Variants in PHACTR1 observed in about 807,000 individuals in gnomAD.
The protein encoded by PHACTR1 is RPEL repeat containing 1.
In PHACTR1, 16 loss-of-function variants were observed where a neutral mutation model predicts 69.2. The ratio of observed to expected loss-of-function variants is 0.23; its 90% CI spans 0.16 to 0.35. The LOEUF is 0.35. PHACTR1 is among the 10% of genes least tolerant of loss of function. The pLI, the probability that PHACTR1 is intolerant of heterozygous loss-of-function variation, is 1.00. For synonymous variants in PHACTR1, 312 were observed against 284.5 expected, an observed-to-expected ratio of 1.10 and a Z score of -0.97; for missense variants, 510 against 734.7, an observed-to-expected ratio of 0.69 and a Z score of 3.54.
At chr6:12,972,861 G>A (rs1395656324) in intron 4 of PHACTR1, among the ~76,000 whole-genome samples, 1 of 152,094 alleles carries the variant, frequency 6.6e-6, no homozygotes, top group East Asian at 1.9e-4. Context: ...GTATTGATCA[G>A]GCTGGTCTCG....
At chr6:12,873,126 C>T (rs892065276) in intron 4 of PHACTR1, among the ~76,000 whole-genome samples, 5 of 151,780 alleles carry the variant, frequency 3.3e-5, no homozygotes, top group African/African-American at 7.3e-5. Flanking sequence ...ATCCTCTCAC[C>T]TCAGCATCCT....
chr6:12,926,983 T>C (rs895660558), intron 4 of PHACTR1, among the ~76,000 whole-genome samples: 1 of 152,234 alleles, frequency 6.6e-6, no homozygotes, highest in Admixed American at 6.5e-5. Context: ...TTAAATCTAG[T>C]CAATTGCTTA....
chr6:12,944,488 T>A (rs1364418883), intron 4 of PHACTR1, among the ~76,000 whole-genome samples: 1 of 152,204 alleles, frequency 6.6e-6, no homozygotes, highest in Non-Finnish European at 1.5e-5. Flanking sequence ...TAATACAACA[T>A]CTATAAGTGC....
At chr6:13,140,445 C>T (rs563658919) in intron 5 of PHACTR1, among the ~76,000 whole-genome samples, 26 of 152,122 alleles carry the variant, frequency 1.7e-4, no homozygotes, top group African/African-American at 5.3e-4. Context: ...TGGAGTATTA[C>T]TCATCATTAA....
At chr6:13,263,741 G>C (rs1776241067) in intron 10 of PHACTR1, among the ~76,000 whole-genome samples, 1 of 152,176 alleles carries the variant, frequency 6.6e-6, no homozygotes, top group Non-Finnish European at 1.5e-5. Context: ...GATACAACTA[G>C]TTAAATCTAC....
At chr6:12,924,014 A>C (rs1157854497) in intron 4 of PHACTR1, among the ~76,000 whole-genome samples, 5 of 152,240 alleles carry the variant, frequency 3.3e-5, no homozygotes, top group Admixed American at 3.3e-4. Context: ...ACTGAATATC[A>C]AACACTTTAA....
intron 5 of PHACTR1, among the ~76,000 whole-genome samples, chr6:13,151,705 C>G (rs1215387064): frequency 2.0e-5 from 3 of 152,120 alleles, no homozygotes; most frequent in Non-Finnish European, 4.4e-5. Flanking sequence ...TGTAGAACAA[C>G]ATGCATAGAA....
chr6:13,097,399 G>T (rs978298431), intron 5 of PHACTR1, among the ~76,000 whole-genome samples: 7 of 152,200 alleles, frequency 4.6e-5, no homozygotes, highest in Admixed American at 4.6e-4. Context: ...ATAAAGGAAT[G>T]CTTGTATTCT....
At chr6:13,043,098 T>C (rs1804440030) in intron 4 of PHACTR1, among the ~76,000 whole-genome samples, 1 of 152,234 alleles carries the variant, frequency 6.6e-6, no homozygotes, top group East Asian at 1.9e-4. Flanking sequence ...TTTGTCTCTG[T>C]TGTGGCTCAA....
rs61075165 is a variant in PHACTR1 at position 12,930,045 on chromosome 6, CT to C, written c.251-123305del. On this transcript the variant is annotated intron_variant, in intron 4 of 14. Transcript: ENST00000332995. The stretch of plus-strand genomic sequence containing the variant: ...CAACACTGCCTGTAAACAGAAAGAA[CT>C]TTTTTTTTTTTTTTAGATGGGGATC... Among the ~76,000 whole-genome samples, 2,541 of 141,424 alleles carry C rather than the reference CT, an allele frequency of 0.018. 90 individuals carry two copies. In the East Asian group the frequency reaches 0.19, roughly 10 times the overall value. The allele number at this position is 141,424 out of a possible 152,430, so 92.8% of individuals were successfully genotyped here.
intron 4 of PHACTR1, among the ~76,000 whole-genome samples, chr6:13,031,075 C>G (rs1044629438): frequency 6.6e-6 from 1 of 152,188 alleles, no homozygotes; most frequent in African/African-American, 2.4e-5. Context: ...GGCAAGATTA[C>G]CCCTGGTCCA....
At chr6:12,730,477 TA>T (rs541780959) in intron 3 of PHACTR1, among the ~76,000 whole-genome samples, 13,023 of 142,098 alleles carry the variant, frequency 0.092, 1,769 homozygotes, top group African/African-American at 0.3. Context: ...ACACGTGATT[TA>T]AAAAAAAAAA....
intron 4 of PHACTR1, among the ~76,000 whole-genome samples, chr6:12,771,733 A>G (rs999543218): frequency 5.9e-5 from 9 of 152,172 alleles, no homozygotes; most frequent in African/African-American, 1.4e-4. Flanking sequence ...AGGAAGCTCT[A>G]TGCTAGGGAA....
At chr6:12,849,577 G>T (rs575888026) in intron 4 of PHACTR1, among the ~76,000 whole-genome samples, 8 of 152,290 alleles carry the variant, frequency 5.3e-5, no homozygotes, top group African/African-American at 1.9e-4. Context: ...GTCCATATGG[G>T]CGGGAAGTGC....
chr6:13,108,889 C>T (rs533724984), intron 5 of PHACTR1, among the ~76,000 whole-genome samples: 1 of 152,020 alleles, frequency 6.6e-6, no homozygotes, highest in East Asian at 1.9e-4. Context: ...CTTTTCACCC[C>T]TTTTGCCATC....
Position 13,228,032 on chromosome 6 carries a change from G to GGAC in PHACTR1, c.1206_1208dup (p.Asp402dup). ...CAAGAGAAGAGGAGGAAGAGGAGGA[G>GGAC]GACGAAGACGACGACAGCTCATTAT... On this transcript the variant is annotated inframe_insertion, in exon 9 of 15. Transcript: ENST00000332995. The GGAC allele has an allele frequency of 6.2e-7, 1 of 1,613,706 alleles. No homozygotes were observed. The highest frequency in any genetic ancestry group is 1.7e-5 in the Admixed American group (1 of 60,030).
At chr6:12,889,797 CTT>C (rs4053036) in intron 4 of PHACTR1, among the ~76,000 whole-genome samples, 153 of 132,944 alleles carry the variant, frequency 1.2e-3, no homozygotes, top group Admixed American at 2.1e-3. Context: ...CTCCTTCTTC[CTT>C]TTTTTTTTTT....
chr6:12,740,242 G>A (rs1349630415), intron 3 of PHACTR1, among the ~76,000 whole-genome samples: 1 of 152,028 alleles, frequency 6.6e-6, no homozygotes. Flanking sequence ...ATTGTTCCCA[G>A]TTTGGGGTCA....
At chr6:13,211,440 C>A (rs182424191) in intron 8 of PHACTR1, among the ~76,000 whole-genome samples, 93 of 152,246 alleles carry the variant, frequency 6.1e-4, no homozygotes, top group South Asian at 5.2e-3. Context: ...GACGCCGTTT[C>A]TTTCTGATCT....
Sources: allele counts gnomAD v4.1 joint callset (sites outside exome capture counted in the v4.1 genomes callset), GRCh38; gene constraint gnomAD v4.1.1; transcripts MANE v1.5; gene names NCBI Gene and HGNC (gene_info 2026-07-23, HGNC 2026-07-21).